The following ANKRD44 variants were observed in gnomAD, a reference collection of about 807,000 sequenced individuals.
The protein encoded by ANKRD44 is serine/threonine-protein phosphatase 6 regulatory ankyrin repeat subunit B.
Under a neutral mutation model 116.0 loss-of-function variants are expected in ANKRD44, and 35 were observed. The observed-to-expected ratio is 0.30, with a 90% CI of 0.23 to 0.40. The LOEUF is 0.40. Among genes scored for constraint, ANKRD44 ranks in the 10% least tolerant of loss-of-function variants. The pLI is 1.00. For missense variants in ANKRD44, 1,014 were observed against 1,242.6 expected, an observed-to-expected ratio of 0.82 and a Z score of 2.77; for synonymous variants, 435 against 461.8, an observed-to-expected ratio of 0.94 and a Z score of 0.74.
At chr2:197,008,776 G>A (rs2076244452) in intron 19 of ANKRD44, among the ~76,000 whole-genome samples, 168 bp downstream of exon 19, 1 of 152,090 alleles carries the variant, frequency 6.6e-6, no homozygotes, top group African/African-American at 2.4e-5. Context: ...TGCTTTTCTT[G>A]GATATACGCA....
At chr2:197,127,843 AGTGTGTGTC>A (rs1447681642) in intron 4 of ANKRD44, among the ~76,000 whole-genome samples, 1 of 152,034 alleles carries the variant, frequency 6.6e-6, no homozygotes, top group African/African-American at 2.4e-5. Context: ...GACAGGCCCC[AGTGTGTGTC>A]GTTCCTTCTC....
chr2:197,232,075 G>A (rs1324114162), intron 1 of ANKRD44, among the ~76,000 whole-genome samples: 1 of 152,120 alleles, frequency 6.6e-6, no homozygotes, highest in Non-Finnish European at 1.5e-5. Context: ...TTGCTATTCT[G>A]AATGCCTAAC....
At chr2:197,218,759 T>A (rs1237672310) in intron 1 of ANKRD44, among the ~76,000 whole-genome samples, 1 of 107,054 alleles carries the variant, frequency 9.3e-6, no homozygotes, top group Non-Finnish European at 1.8e-5. Context: ...CCCTTTTTTT[T>A]TTTTTTTTTT....
chr2:197,220,081 A>G (rs1160735398), intron 1 of ANKRD44, among the ~76,000 whole-genome samples: 3 of 152,254 alleles, frequency 2.0e-5, no homozygotes, highest in African/African-American at 7.2e-5. Context: ...TTACTTTGAA[A>G]GTAATCTAAA....
At chr2:197,027,631 A>G (rs2076622272) in intron 16 of ANKRD44, among the ~76,000 whole-genome samples, 1 of 151,614 alleles carries the variant, frequency 6.6e-6, no homozygotes, top group African/African-American at 2.4e-5. Context: ...GAAGAGAATG[A>G]GCAGTCATGT....
chr2:197,277,666 C>T (rs1237882747), intron 1 of ANKRD44, among the ~76,000 whole-genome samples: 2 of 152,108 alleles, frequency 1.3e-5, no homozygotes, highest in African/African-American at 2.4e-5. Context: ...AGCTTAACCA[C>T]GCAGCTAATA....
chr2:197,052,302 A>G (rs958278870), intron 16 of ANKRD44, among the ~76,000 whole-genome samples: 3 of 152,214 alleles, frequency 2.0e-5, no homozygotes, highest in African/African-American at 7.2e-5. Context: ...TAACTTTACG[A>G]ATAGCCTTTC....
intron 1 of ANKRD44, among the ~76,000 whole-genome samples, chr2:197,228,619 G>A (rs940945884): frequency 6.6e-6 from 1 of 152,184 alleles, no homozygotes; most frequent in African/African-American, 2.4e-5. Flanking sequence ...GCAGGAGTTG[G>A]TCCCCTTGGT....
At chr2:197,209,318 C>A (rs1216147549) in intron 1 of ANKRD44, among the ~76,000 whole-genome samples, 1 of 152,124 alleles carries the variant, frequency 6.6e-6, no homozygotes, top group African/African-American at 2.4e-5. Flanking sequence ...CTGCTTCAGC[C>A]CTGCTAAATC....
chr2:197,045,654 C>T (rs2076988553), intron 16 of ANKRD44, among the ~76,000 whole-genome samples: 3 of 152,214 alleles, frequency 2.0e-5, no homozygotes, highest in Admixed American at 6.5e-5. Flanking sequence ...CTCTTCTAAA[C>T]ACCACTGGTC....
chr2:197,020,273 T>C (rs2076472208), intron 17 of ANKRD44, among the ~76,000 whole-genome samples: 1 of 152,210 alleles, frequency 6.6e-6, no homozygotes, highest in South Asian at 2.1e-4. Flanking sequence ...AGAGACCTAA[T>C]ACTAAAATCA....
intron 16 of ANKRD44, among the ~76,000 whole-genome samples, chr2:197,039,338 G>A (rs986200599): frequency 6.6e-6 from 1 of 152,158 alleles, no homozygotes; most frequent in Non-Finnish European, 1.5e-5. Flanking sequence ...CCTGGCTGCT[G>A]ATGCCAGCAA....
chr2:197,162,928 G>A (rs191158458), intron 2 of ANKRD44, among the ~76,000 whole-genome samples: 1 of 152,348 alleles, frequency 6.6e-6, no homozygotes, highest in East Asian at 1.9e-4. Context: ...GCCACAATAA[G>A]AAAAGGGTCT....
intron 9 of ANKRD44, among the ~76,000 whole-genome samples, chr2:197,106,791 A>AAC (rs1559067482): frequency 7.9e-6 from 1 of 127,374 alleles, no homozygotes; most frequent in East Asian, 2.3e-4. Flanking sequence ...CTCCGTCTCA[A>AAC]ATATATATAT....
At chr2:197,052,222 G>C (rs2125015323) in intron 16 of ANKRD44, among the ~76,000 whole-genome samples, 1 of 152,296 alleles carries the variant, frequency 6.6e-6, no homozygotes, top group East Asian at 1.9e-4. Context: ...CGTTTAATTT[G>C]ACTGCATAGA....
At chr2:197,184,297 T>C (rs2080592527) in intron 2 of ANKRD44, among the ~76,000 whole-genome samples, 1 of 152,148 alleles carries the variant, frequency 6.6e-6, no homozygotes, top group South Asian at 2.1e-4. Context: ...TTCTGGTCCA[T>C]GGAATATAAG....
At chr2:196,981,542 G>C (rs879259114) in intron 21 of ANKRD44, among the ~76,000 whole-genome samples, 1 of 152,162 alleles carries the variant, frequency 6.6e-6, no homozygotes, top group Non-Finnish European at 1.5e-5. Flanking sequence ...GTGGGAGGCT[G>C]AGGCAGGTGG....
intron 9 of ANKRD44, among the ~76,000 whole-genome samples, chr2:197,105,824 T>A (rs2078412571): frequency 6.6e-6 from 1 of 152,186 alleles, no homozygotes; most frequent in South Asian, 2.1e-4. Flanking sequence ...CGTATCCATA[T>A]CAGAGCTGCC....
intron 1 of ANKRD44, among the ~76,000 whole-genome samples, chr2:197,187,644 T>TCTCTC (rs2080713038): frequency 1.5e-5 from 2 of 134,638 alleles, no homozygotes; most frequent in Non-Finnish European, 3.3e-5. Flanking sequence ...CACGTTCTCA[T>TCTCTC]TCTCTCTCTC....
Sources: allele counts gnomAD v4.1 joint callset (sites outside exome capture counted in the v4.1 genomes callset), GRCh38; gene constraint gnomAD v4.1.1; transcripts MANE v1.5; gene names NCBI Gene and HGNC (gene_info 2026-07-23, HGNC 2026-07-21).